Variants in XKRX observed in about 807,000 individuals in gnomAD.
XKRX encodes the protein XK related X-linked, also known as XK-related protein 2.
XKRX carries 11 observed loss-of-function variants against 22.4 expected under a neutral mutation model. That is an observed-to-expected ratio of 0.49 (90% CI 0.31 to 0.81). The LOEUF (loss-of-function observed/expected upper bound fraction) is 0.81, where lower values mean the gene tolerates loss of function less well. XKRX is among the 40% of genes least tolerant of loss of function. The pLI is 0.05. For missense variants in XKRX, 320 were observed against 336.5 expected (o/e 0.95, Z 0.38); for synonymous variants, 114 against 132.2 (o/e 0.86, Z 0.94).
downstream of XKRX, chrX:100,911,520 C>T (rs1312443422): frequency 3.1e-6 from 2 of 636,868 alleles, no homozygotes; most frequent in Admixed American, 2.3e-5. Context: ...TTATTGAGGA[C>T]TACAAACCAA....
At chrX:100,917,193 G>A (rs181041063) in intron 2 of XKRX, among the ~76,000 whole-genome samples, 12 of 111,391 alleles carry the variant, frequency 1.1e-4, no homozygotes, top group East Asian at 5.7e-4. Context: ...GCTGAGGCAC[G>A]AGAATCACTT....
chrX:100,922,696 C>T (rs1237323946), intron 2 of XKRX, 97 bp downstream of exon 2: 1 of 852,864 alleles, frequency 1.2e-6, no homozygotes. Flanking sequence ...GTTAAATAGC[C>T]ACATGAAGCT....
the XKRX span, among the ~76,000 whole-genome samples, chrX:100,893,866 G>A: frequency 8.9e-6 from 1 of 112,062 alleles, no homozygotes; most frequent in African/African-American, 3.2e-5. Context: ...TGGGTACAAT[G>A]TTCAATATTT....
At chrX:100,955,947 G>A in the XKRX span, among the ~76,000 whole-genome samples, 1 of 111,599 alleles carries the variant, frequency 9.0e-6, no homozygotes, top group Non-Finnish European at 1.9e-5. Flanking sequence ...CCAAGTCATC[G>A]AATCAACCTA....
the XKRX span, among the ~76,000 whole-genome samples, chrX:100,954,980 T>C: frequency 9.0e-6 from 1 of 111,544 alleles, no homozygotes; most frequent in Non-Finnish European, 1.9e-5. Flanking sequence ...TGTTTTTAAA[T>C]TACTGGCAGC....
the XKRX span, chrX:100,888,004 C>T: frequency 9.2e-7 from 1 of 1,083,415 alleles, no homozygotes; most frequent in South Asian, 1.8e-5. Context: ...TTTCCAGAAC[C>T]ACTTTGACCT....
the XKRX span, among the ~76,000 whole-genome samples, chrX:100,890,333 G>A: frequency 9.0e-6 from 1 of 110,887 alleles, no homozygotes; most frequent in Admixed American, 9.5e-5. Context: ...TGAATTCTAT[G>A]ACACATACAG....
At chrX:100,923,837 CT>C (rs745938618) in intron 1 of XKRX, among the ~76,000 whole-genome samples, 1,934 of 88,042 alleles carry the variant, frequency 0.022, 45 homozygotes, top group African/African-American at 0.074. Context: ...TTCTTTCTTT[CT>C]TTTTTTTTTT....
chrX:100,944,431 C>T, the XKRX span, among the ~76,000 whole-genome samples: 33 of 111,688 alleles, frequency 3.0e-4, no homozygotes, highest in African/African-American at 1.1e-3. Flanking sequence ...GGCGTGATCT[C>T]GGCACACTGC....
the XKRX span, among the ~76,000 whole-genome samples, chrX:100,955,732 G>A: frequency 8.9e-6 from 1 of 111,957 alleles, no homozygotes; most frequent in Non-Finnish European, 1.9e-5. Flanking sequence ...TCCTCGATAT[G>A]AATGTTTATA....
At chrX:100,890,661 C>G in the XKRX span, among the ~76,000 whole-genome samples, 18 of 110,340 alleles carry the variant, frequency 1.6e-4, no homozygotes, top group Admixed American at 7.8e-4. Flanking sequence ...ACAAATTACC[C>G]CCAACATGTA....
At chrX:100,917,702 G>GAAAGAAAGAAAGAA (rs2085450672) in intron 2 of XKRX, among the ~76,000 whole-genome samples, 2 of 104,396 alleles carry the variant, frequency 1.9e-5, no homozygotes, top group South Asian at 4.4e-4. Flanking sequence ...AAGAAAGAAA[G>GAAAGAAAGAAAGAA]AAAGAAAGAA....
chrX:100,893,985 T>C, the XKRX span, among the ~76,000 whole-genome samples: 2 of 112,476 alleles, frequency 1.8e-5, no homozygotes, highest in Non-Finnish European at 3.8e-5. Flanking sequence ...TTTTAAAAAG[T>C]AGGCCGGGTG....
the XKRX span, among the ~76,000 whole-genome samples, chrX:100,952,022 C>T: frequency 1.8e-5 from 2 of 110,016 alleles, no homozygotes; most frequent in African/African-American, 6.6e-5. Context: ...GAGGGAATTC[C>T]AACTGATTTT....
At chrX:100,954,105 A>G in the XKRX span, among the ~76,000 whole-genome samples, 1 of 110,780 alleles carries the variant, frequency 9.0e-6, no homozygotes, top group East Asian at 2.9e-4. Context: ...ATGCCACTTC[A>G]TGCCCATTAG....
chrX:100,901,454 C>CA, the XKRX span, among the ~76,000 whole-genome samples: 1 of 111,334 alleles, frequency 9.0e-6, no homozygotes, highest in Non-Finnish European at 1.9e-5. Flanking sequence ...CCTAAACATG[C>CA]ATGCAACAAC....
intron 2 of XKRX, among the ~76,000 whole-genome samples, chrX:100,922,276 A>G (rs763141422): frequency 4.0e-4 from 45 of 112,253 alleles, no homozygotes; most frequent in Non-Finnish European, 7.7e-4. Context: ...ATATAATTTC[A>G]AAAAGAAGCT....
the XKRX span, among the ~76,000 whole-genome samples, chrX:100,952,401 T>TA: frequency 4.2e-3 from 426 of 102,119 alleles, 2 homozygotes; most frequent in African/African-American, 0.012. Flanking sequence ...TGGCCTCCAT[T>TA]AAAAAAAAAA....
chrX:100,887,750 C>T, the XKRX span: 7 of 762,080 alleles, frequency 9.2e-6, no homozygotes, highest in Non-Finnish European at 1.2e-5. Context: ...AGAGCTTCTG[C>T]CCCAAAGTTT....
Sources: allele counts gnomAD v4.1 joint callset (sites outside exome capture counted in the v4.1 genomes callset), GRCh38; gene constraint gnomAD v4.1.1; transcripts MANE v1.5; gene names NCBI Gene and HGNC (gene_info 2026-07-23, HGNC 2026-07-21).